UBE2O: variants seen among roughly 807,000 people sequenced by gnomAD.
The protein encoded by UBE2O is ubiquitin conjugating enzyme E2 O.
In UBE2O, 15 loss-of-function variants were observed where a neutral mutation model predicts 125.8. The observed-to-expected ratio is 0.12, with a 90% CI of 0.08 to 0.18. The LOEUF (loss-of-function observed/expected upper bound fraction) is 0.18, where lower values mean the gene tolerates loss of function less well. Among genes scored for constraint, UBE2O ranks in the 10% least tolerant of loss-of-function variants. The probability of loss-of-function intolerance (pLI) is 1.00; values close to 1 mark genes in which losing one functional copy is unlikely to be tolerated. For synonymous variants in UBE2O, 708 were observed against 703.2 expected, an observed-to-expected ratio of 1.01 and a Z score of -0.11; for missense variants, 1,280 against 1,723.6, an observed-to-expected ratio of 0.74 and a Z score of 4.56.
intron 1 of UBE2O, among the ~76,000 whole-genome samples, chr17:76,435,417 T>TACACACACACACACACACAC (rs59781051): frequency 4.1e-5 from 4 of 96,442 alleles, no homozygotes; most frequent in South Asian, 3.4e-4. Context: ...CACACACACA[T>TACACACACACACACACACAC]ACACACACAC....
rs530859446 is a variant in UBE2O, at chr17:76,452,157, C to T, written c.417+568G>A. On this transcript the variant is annotated intron_variant, in intron 1 of 17. Transcript: ENST00000319380. This position sits in a 1 kb window ranked among gnomAD's most constrained non-coding sequence, Gnocchi z 4.4. ...CTAATGATTTTACTCACAAAGTTCC[C>T]TGCAGCAATTAAAAGGAGGCAGCAG... Among the ~76,000 whole-genome samples the T allele has an allele frequency of 2.0e-5, 3 of 152,268 alleles. No homozygotes were observed. The South Asian group carries it at 6.2e-4, about 32-fold the overall frequency.
chr17:76,414,126 G>A (rs562622635), intron 1 of UBE2O, among the ~76,000 whole-genome samples: 4 of 152,334 alleles, frequency 2.6e-5, no homozygotes, highest in African/African-American at 9.6e-5. Context: ...TGGCCAGGGG[G>A]CCTCACATGC....
chr17:76,416,521 C>G (rs1215299849), intron 1 of UBE2O, among the ~76,000 whole-genome samples: 5 of 152,184 alleles, frequency 3.3e-5, no homozygotes, highest in Non-Finnish European at 7.3e-5. Flanking sequence ...CCTGGAGGGG[C>G]TGTGTCCAAG....
Position 76,405,045 on chromosome 17 carries a change from C to T in UBE2O, c.588+161G>A, listed in dbSNP as rs1398810270. ...GTCTAAATGGCTTACTTGAAAGCAG[C>T]GAAAACAAGGCTACAGGAGCCAGCT... On this transcript the variant is annotated intron_variant, in intron 3 of 17. Transcript: ENST00000319380. This position sits in a 1 kb window ranked among gnomAD's most constrained non-coding sequence, Gnocchi z 6.1. Among the ~76,000 whole-genome samples the T allele has an allele frequency of 1.3e-5, 2 of 152,056 alleles. No homozygotes were observed. Among genetic ancestry groups the T allele is most frequent in the South Asian group, 2.1e-4 (1 of 4,816 alleles).
chr17:76,447,636 T>C (rs2143921715), intron 1 of UBE2O, among the ~76,000 whole-genome samples: 1 of 152,310 alleles, frequency 6.6e-6, no homozygotes, highest in South Asian at 2.1e-4. Context: ...TTACTGAATT[T>C]CTCACAAAGT....
At chr17:76,424,896 G>A (rs1201314161) in intron 1 of UBE2O, among the ~76,000 whole-genome samples, 3 of 136,882 alleles carry the variant, frequency 2.2e-5, no homozygotes, top group African/African-American at 8.3e-5. Context: ...ACAGAGTCTC[G>A]CCCTCACCCT....
chr17:76,406,518 C>A (rs1005874265), intron 1 of UBE2O, among the ~76,000 whole-genome samples: 17 of 151,334 alleles, frequency 1.1e-4, no homozygotes, highest in African/African-American at 4.1e-4. Flanking sequence ...AGAACTGAGT[C>A]GCCGAAAAAG....
At chr17:76,422,965 G>A (rs1438208521) in intron 1 of UBE2O, among the ~76,000 whole-genome samples, 1 of 152,244 alleles carries the variant, frequency 6.6e-6, no homozygotes, top group Non-Finnish European at 1.5e-5. Context: ...AGAAAGGAGT[G>A]GCTAGCAATG....
chr17:76,404,621 T>C lies in UBE2O; in HGVS notation c.588+585A>G, dbSNP rs986638537. Among the ~76,000 whole-genome samples the C allele has an allele frequency of 1.1e-4, 16 of 152,186 alleles. No individual in the cohort carries two copies. The highest frequency in any genetic ancestry group is 2.9e-5 in the Non-Finnish European group (2 of 68,024). ...ACTGGACAGTAATTATCAACGTTGA[T>C]TTCCCAATCTGGGGGTTATATGGTG... is the stretch of plus-strand genomic sequence containing the variant. On this transcript the variant is annotated intron_variant, in intron 3 of 17. Coordinates refer to ENST00000319380, the MANE Select transcript of UBE2O (RefSeq NM_022066.4). The surrounding 1 kb of genome is among the most constrained non-coding windows in gnomAD (Gnocchi z 4.3).
intron 3 of UBE2O, among the ~76,000 whole-genome samples, chr17:76,403,672 C>G (rs1005015129): frequency 6.6e-6 from 1 of 151,852 alleles, no homozygotes; most frequent in Non-Finnish European, 1.5e-5. Flanking sequence ...CTAGTGTGTC[C>G]CAAAAGAGCC....
In UBE2O at chr17:76,402,713, A is replaced by G; in HGVS notation, c.589-14T>C. On this transcript the variant is annotated splice_polypyrimidine_tract_variant and intron_variant, in intron 3 of 17. Transcript: ENST00000319380. This position sits in a 1 kb window ranked among gnomAD's most constrained non-coding sequence, Gnocchi z 5.4. ...ATACATGAAGGGCTGCAGACCAAGGAGGCAGGGGCAGTGAGACACAGCAGA... is the reference window on the plus strand; with the variant it reads ...ATACATGAAGGGCTGCAGACCAAGGGGGCAGGGGCAGTGAGACACAGCAGA... 1 of 1,607,936 alleles carries G rather than the reference A, an allele frequency of 6.2e-7. No homozygotes were observed. Among genetic ancestry groups the G allele is most frequent in the Non-Finnish European group, 8.5e-7 (1 of 1,174,400 alleles).
At position 76,452,901 on chromosome 17, in the gene UBE2O, G is replaced by C; in HGVS notation, c.241C>G (p.Leu81Val). The change falls in exon 1 of 18, where the codon CTC (leucine) becomes GTC (valine). Residue 81 changes from leucine (L) to valine (V), a missense_variant. This residue lies in a region of UBE2O where 188 missense variants were observed against 192.5 expected (regional missense o/e 0.98). Coordinates refer to ENST00000319380, the MANE Select transcript of UBE2O (RefSeq NM_022066.4). This position sits in a 1 kb window ranked among gnomAD's most constrained non-coding sequence, Gnocchi z 4.4. The stretch of plus-strand genomic sequence containing the variant: ...GAGTCCGAGTCCTCGCCGTGGATGA[G>C]GCGCACCAGCCCGAAGTGCACGGAG... ...RGSVHFGLVRLIHGEDSDSEG... is the reference protein window; with the variant it reads ...RGSVHFGLVRVIHGEDSDSEG... 2.0e-6 allele frequency: 3 copies of C among 1,497,518 alleles called. No individual in the cohort carries two copies. Among genetic ancestry groups the C allele is most frequent in the Non-Finnish European group, 2.7e-6 (3 of 1,122,592 alleles). The allele number at this position is 1,497,518 out of a possible 1,614,324, so 92.8% of individuals were successfully genotyped here. A position where few individuals can be genotyped will look rare whatever the true frequency, so the allele number is the denominator to read the frequency against.
intron 1 of UBE2O, among the ~76,000 whole-genome samples, chr17:76,448,574 T>C (rs2073185447): frequency 6.6e-6 from 1 of 152,108 alleles, no homozygotes; most frequent in African/African-American, 2.4e-5. Flanking sequence ...GCACTATATC[T>C]CAAACCTGGT....
Position 76,399,992 on chromosome 17 carries a change from G to C in UBE2O, c.1156-71C>G. The C allele has an allele frequency of 6.5e-7, 1 of 1,533,702 alleles. No homozygotes were observed. Among genetic ancestry groups the C allele is most frequent in the East Asian group, 2.3e-5 (1 of 44,396 alleles). On this transcript the variant is annotated intron_variant, in intron 8 of 17. Coordinates refer to ENST00000319380, the MANE Select transcript of UBE2O (RefSeq NM_022066.4). This position sits in a 1 kb window ranked among gnomAD's most constrained non-coding sequence, Gnocchi z 6.9. ...GCAGGCCTGGCCCTAGGCATCTCAG[G>C]CTGGGGGGATGACAGCTGTATACAC... is the stretch of plus-strand genomic sequence containing the variant.
intron 1 of UBE2O, among the ~76,000 whole-genome samples, chr17:76,423,524 T>G (rs1190993389): frequency 6.6e-6 from 1 of 151,806 alleles, no homozygotes. Context: ...AAACCCAGTC[T>G]CTACTAAAAA....
rs778382826 is a variant in UBE2O at position 76,391,141 on chromosome 17, C to T, written c.3681G>A (p.Ser1227=). 38 of 1,613,800 alleles carry T rather than the reference C, an allele frequency of 2.4e-5. No individual in the cohort carries two copies. The highest frequency in any genetic ancestry group is 1.4e-4 in the South Asian group (13 of 91,042). Residue 1227 remains serine (S), a synonymous_variant, in exon 18 of 18, where the codon TCG becomes TCA. Transcript: ENST00000319380. The surrounding 1 kb of genome is among the most constrained non-coding windows in gnomAD (Gnocchi z 8.4). ...DQTSETAPDA[S]VPPSVKPKKR... Reference sequence around the variant, plus strand: ...TCTTTGGTTTCACACTGGGTGGCACCGATGCGTCTGGTGCGGTCTCCGAAG... The same window carrying T: ...TCTTTGGTTTCACACTGGGTGGCACTGATGCGTCTGGTGCGGTCTCCGAAG...
At position 76,400,258 on chromosome 17, in the gene UBE2O, C is replaced by A. The variant is rs1385269202; in HGVS notation, c.1044G>T (p.Gln348His). Reference protein sequence around the residue: ...RLGCFDHAQRQLGERCLYVFP... With the variant: ...RLGCFDHAQRHLGERCLYVFP... Reference sequence around the variant, plus strand: ...AGACATACAGACAGCGCTCCCCAAGCTGCCGCTGAGCATGGTCAAAGCATC... The same window carrying A: ...AGACATACAGACAGCGCTCCCCAAGATGCCGCTGAGCATGGTCAAAGCATC... Residue 348 changes from glutamine (Q) to histidine (H), a missense_variant, in exon 8 of 18, where the codon CAG becomes CAT. By Grantham distance (24) the Gln-to-His change is conservative. Transcript: ENST00000319380. This position sits in a 1 kb window ranked among gnomAD's most constrained non-coding sequence, Gnocchi z 4.3. 6.2e-7 allele frequency: 1 copy of A among 1,614,040 alleles called. No homozygotes were observed. Among genetic ancestry groups the A allele is most frequent in the Non-Finnish European group, 8.5e-7 (1 of 1,180,010 alleles).
At chr17:76,423,263 C>T (rs949368493) in intron 1 of UBE2O, among the ~76,000 whole-genome samples, 4 of 152,130 alleles carry the variant, frequency 2.6e-5, no homozygotes, top group African/African-American at 4.8e-5. Flanking sequence ...CCTGGAGCCC[C>T]AGCTACTCAA....
At position 76,410,519 on chromosome 17, in the gene UBE2O, G is replaced by A. The variant is rs2072497058; in HGVS notation, c.418-4947C>T. On this transcript the variant is annotated intron_variant, in intron 1 of 17. Coordinates refer to ENST00000319380, the MANE Select transcript of UBE2O (RefSeq NM_022066.4). This position sits in a 1 kb window ranked among gnomAD's most constrained non-coding sequence, Gnocchi z 4.0. ...CCCTGAAGGTGCTCTGGAGACGCAG[G>A]TGCTGAGACCCGAACAATGGCAGAG... Among the ~76,000 whole-genome samples the A allele has an allele frequency of 6.6e-6, 1 of 152,182 alleles. No individual in the cohort carries two copies.
Sources: allele counts gnomAD v4.1 joint callset (sites outside exome capture counted in the v4.1 genomes callset), GRCh38; gene constraint gnomAD v4.1.1; regional missense constraint gnomAD v4.1.1; non-coding constraint Gnocchi (gnomAD v3.1); transcripts MANE v1.5; gene names NCBI Gene and HGNC (gene_info 2026-07-23, HGNC 2026-07-21).